Variants in NLRP1 observed in about 807,000 individuals in gnomAD.
The protein encoded by NLRP1 is NACHT, LRR and PYD domains-containing protein 1.
Under a neutral mutation model 136.7 loss-of-function variants are expected in NLRP1, and 94 were observed. That is an observed-to-expected ratio of 0.69 (90% confidence interval 0.58 to 0.82). The LOEUF is 0.82. Among genes scored for constraint, NLRP1 ranks in the 40% least tolerant of loss-of-function variants. The probability of loss-of-function intolerance (pLI) is 0.00; values close to 1 mark genes in which losing one functional copy is unlikely to be tolerated. For synonymous variants in NLRP1, 690 were observed against 725.1 expected (o/e 0.95, Z 0.78); for missense variants, 1,575 against 1,802.7 (o/e 0.87, Z 2.29).
chr17:5,539,326 C>T (rs563483868), intron 7 of NLRP1, 89 bp downstream of exon 7: 4 of 1,280,692 alleles, frequency 3.1e-6, no homozygotes, highest in Non-Finnish European at 4.2e-6. Context: ...CTTGGGTTGG[C>T]TATGCATTTA....
At chr17:5,565,335 G>C (rs1915219956) in intron 3 of NLRP1, among the ~76,000 whole-genome samples, 1 of 152,130 alleles carries the variant, frequency 6.6e-6, no homozygotes, top group Non-Finnish European at 1.5e-5. Flanking sequence ...TCGAATTTTA[G>C]ATTTTTTCCT....
chr17:5,507,619 T>A (rs919320996), intron 15 of NLRP1, among the ~76,000 whole-genome samples: 29 of 151,886 alleles, frequency 1.9e-4, no homozygotes, highest in Non-Finnish European at 2.9e-5. Context: ...GGTCAGGAGA[T>A]CGAGTCCATC....
intron 5 of NLRP1, among the ~76,000 whole-genome samples, chr17:5,550,045 C>G (rs561853095): frequency 6.6e-6 from 1 of 152,292 alleles, no homozygotes; most frequent in Admixed American, 6.5e-5. Context: ...TGGGATAAAT[C>G]CCATTTGGTC....
intron 6 of NLRP1, 55 bp from the exon 7 acceptor site, chr17:5,539,640 G>A (rs1449644066): frequency 6.8e-7 from 1 of 1,469,964 alleles, no homozygotes; most frequent in Non-Finnish European, 9.0e-7. Flanking sequence ...TCGCTCTTCA[G>A]GGTAACTAGG....
In NLRP1 at chr17:5,514,385, G is replaced by T; in HGVS notation, c.*369C>A. Reference sequence around the variant, plus strand: ...TCCCACGCTGAACCCCAATTTTGGGGCTCACCCTGTGACACAGCCAGAGGC... The same window carrying T: ...TCCCACGCTGAACCCCAATTTTGGGTCTCACCCTGTGACACAGCCAGAGGC... On this transcript the variant is annotated 3_prime_UTR_variant, in exon 17 of 17. Coordinates refer to ENST00000572272, the MANE Select transcript of NLRP1 (RefSeq NM_033004.4). The T allele has an allele frequency of 1.8e-6, 2 of 1,082,042 alleles. No homozygotes were observed. The highest frequency in any genetic ancestry group is 2.3e-6 in the Non-Finnish European group (2 of 888,016). 67.0% of individuals were successfully genotyped at this position (1,082,042 alleles called of 1,614,324 possible).
intron 12 of NLRP1, among the ~76,000 whole-genome samples, chr17:5,527,533 C>T (rs1322024670): frequency 1.3e-5 from 2 of 152,188 alleles, no homozygotes; most frequent in African/African-American, 4.8e-5. Flanking sequence ...AGAATCCCAA[C>T]TCTGGAAGAG....
At chr17:5,519,787 G>T (rs929429283) in intron 14 of NLRP1, among the ~76,000 whole-genome samples, 2 of 148,128 alleles carry the variant, frequency 1.4e-5, no homozygotes, top group Non-Finnish European at 3.0e-5. Context: ...TTTCACTCTT[G>T]CCTGCTTATC....
At chr17:5,536,790 CCT>C in intron 8 of NLRP1, 59 bp downstream of exon 8, 1 of 1,222,278 alleles carries the variant, frequency 8.2e-7, no homozygotes, top group South Asian at 1.2e-5. Context: ...TGGCTCTTTC[CCT>C]GTCTCCTGCT....
At chr17:5,582,986 C>T (rs1200649457) in intron 1 of NLRP1, 140 bp from the exon 2 acceptor site, 4 of 653,428 alleles carry the variant, frequency 6.1e-6, no homozygotes, top group Non-Finnish European at 1.1e-5. Context: ...ACAACTTCCT[C>T]TAGAGGCTTG....
intron 7 of NLRP1, among the ~76,000 whole-genome samples, chr17:5,538,312 T>C (rs1412821684): frequency 3.9e-5 from 6 of 151,978 alleles, no homozygotes; most frequent in Admixed American, 3.3e-4. Context: ...GCCTACGGGA[T>C]GGGAAATGAG....
At position 5,541,724 on chromosome 17, in the gene NLRP1, G is replaced by T; in HGVS notation, c.2699+133C>A. ...ATGAGCTTCCTCCTGAGCCTCTACT[G>T]CCTGGCTGAGATCCTGTAGGCTCCT... is the stretch of plus-strand genomic sequence containing the variant. On this transcript the variant is annotated intron_variant, in intron 6 of 16. Coordinates refer to ENST00000572272, the MANE Select transcript of NLRP1 (RefSeq NM_033004.4). This position sits in a 1 kb window ranked among gnomAD's most constrained non-coding sequence, Gnocchi z 4.2. 2.3e-6 allele frequency: 2 copies of T among 864,914 alleles called. No homozygotes were observed. The highest frequency in any genetic ancestry group is 3.6e-6 in the Non-Finnish European group (2 of 557,772). 53.6% of individuals were successfully genotyped at this position (864,914 alleles called of 1,614,324 possible). A position where few individuals can be genotyped will look rare whatever the true frequency, so the allele number is the denominator to read the frequency against.
intron 7 of NLRP1, 64 bp downstream of exon 7, chr17:5,539,351 A>C: frequency 1.3e-6 from 2 of 1,483,422 alleles, no homozygotes; most frequent in Non-Finnish European, 1.8e-6. Flanking sequence ...TCCTTTTTCC[A>C]TCCCCTGTCC....
At chr17:5,533,855 A>C (rs746558538) in intron 9 of NLRP1, 42 bp downstream of exon 9, 3 of 1,357,742 alleles carry the variant, frequency 2.2e-6, no homozygotes, top group African/African-American at 2.9e-5. Context: ...GACCTCCCCC[A>C]ACCCCTGTCA....
rs186471174 is a variant in NLRP1 at position 5,556,423 on chromosome 17, C to A, written c.2357+1916G>T. Among the ~76,000 whole-genome samples, 48 of 148,816 alleles carry A rather than the reference C, an allele frequency of 3.2e-4. 1 individual carries two copies. Among genetic ancestry groups the A allele is most frequent in the African/African-American group, 1.1e-3 (46 of 40,304 alleles). ...GAGCTGTGATTGCACCACTGCACTC[C>A]AGCCTAGGGGACAGAGCGAGACTCC... On this transcript the variant is annotated intron_variant, in intron 4 of 16. Coordinates refer to ENST00000572272, the MANE Select transcript of NLRP1 (RefSeq NM_033004.4).
intron 5 of NLRP1, among the ~76,000 whole-genome samples, chr17:5,545,713 G>A (rs1159262139): frequency 6.6e-6 from 1 of 152,180 alleles, no homozygotes; most frequent in Admixed American, 6.5e-5. Context: ...AGACGCAGCT[G>A]GCAGATGTGG....
At chr17:5,535,176 T>A (rs1910879471) in intron 8 of NLRP1, among the ~76,000 whole-genome samples, 1 of 151,616 alleles carries the variant, frequency 6.6e-6, no homozygotes, top group Non-Finnish European at 1.5e-5. Flanking sequence ...GCCGAGATCA[T>A]GCCATTGCAC....
intron 5 of NLRP1, among the ~76,000 whole-genome samples, chr17:5,545,185 G>A (rs1912413588): frequency 6.6e-6 from 1 of 152,172 alleles, no homozygotes. Context: ...ACTCCTGCCT[G>A]TAATCCCCAC....
At chr17:5,553,804 C>G (rs1471776873) in intron 4 of NLRP1, among the ~76,000 whole-genome samples, 2 of 151,838 alleles carry the variant, frequency 1.3e-5, no homozygotes, top group Non-Finnish European at 2.9e-5. Context: ...CCTTGTGTGT[C>G]TGTTTCTGCC....
chr17:5,521,402 G>T, intron 13 of NLRP1, 122 bp downstream of exon 13: 2 of 1,029,466 alleles, frequency 1.9e-6, no homozygotes, highest in Non-Finnish European at 2.9e-6. Context: ...CCACTTCAAG[G>T]TTCTCCTGTA....
Sources: gnomAD v4.1 joint callset for allele counts (sites outside exome capture counted in the v4.1 genomes callset) on GRCh38, gnomAD v4.1.1 for gene constraint, Gnocchi (gnomAD v3.1) non-coding constraint, MANE v1.5 for transcripts, NCBI Gene and HGNC (gene_info 2026-07-23, HGNC 2026-07-21) for gene names.